The following NALF1 variants were observed in gnomAD, a reference collection of about 807,000 sequenced individuals.
NALF1 encodes the protein family with sequence similarity 155 member A.
In NALF1, 3 loss-of-function variants were observed where a neutral mutation model predicts 48.4. The observed-to-expected ratio is 0.06, with a 90% confidence interval of 0.03 to 0.16. NALF1 has a LOEUF of 0.16. Ranked by LOEUF, NALF1 falls within the 10% of genes least tolerant of loss-of-function variation. NALF1 has a pLI of 1.00. For synonymous variants in NALF1, 262 were observed against 245.7 expected (o/e 1.07, Z -0.62); for missense variants, 526 against 571.5 (o/e 0.92, Z 0.81).
chr13:107,218,296 G>A (rs569530200), intron 1 of NALF1, among the ~76,000 whole-genome samples: 13 of 152,228 alleles, frequency 8.5e-5, no homozygotes, highest in Non-Finnish European at 1.9e-4. Context: ...CTGTCTTCTC[G>A]TCTGCCTCCT....
chr13:107,376,670 C>G (rs1883345472), intron 1 of NALF1, among the ~76,000 whole-genome samples: 1 of 152,136 alleles, frequency 6.6e-6, no homozygotes, highest in Non-Finnish European at 1.5e-5. Context: ...TAACTTAGGT[C>G]TGATCTGCAA....
intron 1 of NALF1, among the ~76,000 whole-genome samples, chr13:107,697,419 T>A (rs975565674): frequency 1.3e-5 from 2 of 152,172 alleles, no homozygotes; most frequent in Admixed American, 1.3e-4. Context: ...TAATTTGAAA[T>A]CTTATCAAAA....
chr13:107,207,639 G>C (rs954369381), intron 2 of NALF1, among the ~76,000 whole-genome samples: 1 of 152,134 alleles, frequency 6.6e-6, no homozygotes, highest in Admixed American at 6.5e-5. Context: ...AGGTCCAGCA[G>C]TGCACTCTTT....
At chr13:107,764,741 T>C (rs1310281223) in intron 1 of NALF1, among the ~76,000 whole-genome samples, 1 of 152,158 alleles carries the variant, frequency 6.6e-6, no homozygotes, top group Admixed American at 6.5e-5. Context: ...TCTGTATGAT[T>C]GGTGCAAACA....
At chr13:107,387,321 G>C (rs577475205) in intron 1 of NALF1, among the ~76,000 whole-genome samples, 3 of 152,130 alleles carry the variant, frequency 2.0e-5, no homozygotes, top group Non-Finnish European at 2.9e-5. Flanking sequence ...ATCTGACACA[G>C]AGCTTCCGTC....
intron 1 of NALF1, among the ~76,000 whole-genome samples, chr13:107,321,674 C>G (rs1232164950): frequency 1.3e-5 from 2 of 152,100 alleles, no homozygotes; most frequent in African/African-American, 4.8e-5. Context: ...GCGTCTAGAA[C>G]TACACAGATT....
chr13:107,400,535 G>A (rs1454524119), intron 1 of NALF1, among the ~76,000 whole-genome samples: 2 of 151,726 alleles, frequency 1.3e-5, no homozygotes, highest in African/African-American at 4.8e-5. Context: ...CCAACATGGT[G>A]AACCCCATCT....
intron 1 of NALF1, among the ~76,000 whole-genome samples, chr13:107,559,527 C>T (rs767787942): frequency 3.3e-5 from 5 of 152,146 alleles, no homozygotes; most frequent in Admixed American, 1.3e-4. Context: ...AGGAAGGGAA[C>T]CAGCTCAGGC....
chr13:107,652,358 AT>A (rs1246778081), intron 1 of NALF1, among the ~76,000 whole-genome samples: 1 of 152,168 alleles, frequency 6.6e-6, no homozygotes, highest in Non-Finnish European at 1.5e-5. Flanking sequence ...AAATGTTATT[AT>A]TAGAGAAATA....
chr13:107,213,135 T>C (rs1366011467), intron 1 of NALF1, among the ~76,000 whole-genome samples: 1 of 150,468 alleles, frequency 6.6e-6, no homozygotes, highest in African/African-American at 2.4e-5. Flanking sequence ...TGCAACCACT[T>C]TCCTCAGCAT....
chr13:107,525,731 T>C (rs893273910), intron 1 of NALF1, among the ~76,000 whole-genome samples: 3 of 152,182 alleles, frequency 2.0e-5, no homozygotes, highest in Non-Finnish European at 4.4e-5. Flanking sequence ...TGCTGTTTAC[T>C]ATTTTGCTTC....
intron 1 of NALF1, among the ~76,000 whole-genome samples, chr13:107,370,313 G>A (rs750837894): frequency 6.6e-6 from 1 of 152,176 alleles, no homozygotes; most frequent in Non-Finnish European, 1.5e-5. Flanking sequence ...CCCAAAACAG[G>A]CTGCTTTCTT....
intron 1 of NALF1, among the ~76,000 whole-genome samples, chr13:107,621,746 C>G (rs536329620): frequency 6.6e-6 from 1 of 152,144 alleles, no homozygotes. Context: ...AAAATTGAGG[C>G]GCTCTGCTCC....
intron 1 of NALF1, among the ~76,000 whole-genome samples, chr13:107,524,970 C>A (rs1445698119): frequency 6.6e-6 from 1 of 151,890 alleles, no homozygotes; most frequent in Non-Finnish European, 1.5e-5. Flanking sequence ...AAAAAATATC[C>A]CAGGAGACAT....
intron 1 of NALF1, among the ~76,000 whole-genome samples, chr13:107,728,732 G>C (rs561249492): frequency 6.7e-6 from 1 of 149,728 alleles, no homozygotes; most frequent in South Asian, 2.1e-4. Flanking sequence ...AAAAGAAAAA[G>C]AATCCAGCCT....
At chr13:107,586,635 A>ATTTTTTTTTTTTTTTT (rs61429641) in intron 1 of NALF1, among the ~76,000 whole-genome samples, 2,070 of 92,958 alleles carry the variant, frequency 0.022, 479 homozygotes, top group Middle Eastern at 0.053. Flanking sequence ...CCCTATGGAG[A>ATTTTTTTTTTTTTTTT]TTTTTTTTTT....
At chr13:107,535,918 T>C (rs1015920398) in intron 1 of NALF1, among the ~76,000 whole-genome samples, 1 of 152,010 alleles carries the variant, frequency 6.6e-6, no homozygotes. Context: ...TCAGTAATAA[T>C]ACTACACATC....
intron 1 of NALF1, among the ~76,000 whole-genome samples, chr13:107,635,497 G>T (rs1879952557): frequency 6.6e-6 from 1 of 151,952 alleles, no homozygotes; most frequent in South Asian, 2.1e-4. Context: ...TACAATTCAG[G>T]ATGAGATTTT....
chr13:107,223,602 A>G (rs549574133), intron 1 of NALF1, among the ~76,000 whole-genome samples: 2 of 152,340 alleles, frequency 1.3e-5, no homozygotes, highest in Admixed American at 1.3e-4. Flanking sequence ...ATACACAGTT[A>G]AGTTGAAAGG....
Sources: allele counts gnomAD v4.1 joint callset (sites outside exome capture counted in the v4.1 genomes callset), GRCh38; gene constraint gnomAD v4.1.1; transcripts MANE v1.5; gene names NCBI Gene and HGNC (gene_info 2026-07-23, HGNC 2026-07-21).